PTPRD: variants seen among roughly 807,000 people sequenced by gnomAD.
The protein encoded by PTPRD is protein tyrosine phosphatase receptor type D, also known as receptor-type tyrosine-protein phosphatase delta.
Under a neutral mutation model 214.5 loss-of-function variants are expected in PTPRD, and 34 were observed. The observed-to-expected ratio is 0.16, with a 90% CI of 0.12 to 0.21. PTPRD has a LOEUF of 0.21. PTPRD is among the 10% of genes least tolerant of loss of function. The pLI is 1.00. For missense variants in PTPRD, 2,545 were observed against 2,398.7 expected (o/e 1.06, Z -1.27); for synonymous variants, 1,128 against 845.7 (o/e 1.33, Z -5.79).
At chr9:9,450,142 A>G (rs7025873) in intron 8 of PTPRD, among the ~76,000 whole-genome samples, 16 of 143,116 alleles carry the variant, frequency 1.1e-4, no homozygotes, top group African/African-American at 3.7e-4. Flanking sequence ...GTGTGTGTGT[A>G]TTACAGTTTC....
intron 2 of PTPRD, among the ~76,000 whole-genome samples, chr9:10,388,884 T>C (rs2097988868): frequency 1.3e-5 from 2 of 151,866 alleles, no homozygotes; most frequent in Non-Finnish European, 2.9e-5. Flanking sequence ...ATGTTAGCTC[T>C]AATAATAACC....
intron 5 of PTPRD, among the ~76,000 whole-genome samples, chr9:9,783,520 T>C (rs1249594697): frequency 2.0e-5 from 3 of 152,146 alleles, no homozygotes; most frequent in Non-Finnish European, 2.9e-5. Flanking sequence ...TACTGAGGAA[T>C]AGCCACTGAT....
chr9:9,301,565 T>C (rs928794757), intron 9 of PTPRD, among the ~76,000 whole-genome samples: 4 of 151,896 alleles, frequency 2.6e-5, no homozygotes, highest in Non-Finnish European at 5.9e-5. Flanking sequence ...TTTACATAAT[T>C]TGTCATTTTT....
chr9:10,559,912 G>A (rs1590913544), intron 2 of PTPRD, among the ~76,000 whole-genome samples: 1 of 152,118 alleles, frequency 6.6e-6, no homozygotes, highest in Admixed American at 6.5e-5. Flanking sequence ...GGAAACAACA[G>A]GTGCTGGAGA....
chr9:9,947,524 ATATATATTTTATATATAATATATATAT>A (rs2092875522), intron 4 of PTPRD, among the ~76,000 whole-genome samples: 1 of 36,486 alleles, frequency 2.7e-5, no homozygotes. Flanking sequence ...TATATATATT[ATATATATTTTATATATAATATATATAT>A]TATATATATA....
intron 9 of PTPRD, among the ~76,000 whole-genome samples, chr9:9,393,945 C>G (rs943967317): frequency 6.6e-6 from 1 of 152,104 alleles, no homozygotes; most frequent in Admixed American, 6.6e-5. Flanking sequence ...AACATTGCCA[C>G]CAATACTTTC....
chr9:9,690,788 T>C (rs2097255815), intron 7 of PTPRD, among the ~76,000 whole-genome samples: 1 of 151,938 alleles, frequency 6.6e-6, no homozygotes. Context: ...TGTGTGGACT[T>C]ATTTCTGGTC....
At chr9:10,172,624 C>T (rs1216430907) in intron 3 of PTPRD, among the ~76,000 whole-genome samples, 1 of 152,182 alleles carries the variant, frequency 6.6e-6, no homozygotes, top group Non-Finnish European at 1.5e-5. Context: ...GACTCTTCTT[C>T]AACCTCATTT....
rs1450897188 is a variant in PTPRD at position 9,512,916 on chromosome 9, G to C, written c.-237+61816C>G. On this transcript the variant is annotated intron_variant, in intron 8 of 45. Transcript: ENST00000381196. The stretch of plus-strand genomic sequence containing the variant: ...AATCACGAGTAATCATTACTAATGA[G>C]AAATATAACAGATTTTCATGCATTC... Among the ~76,000 whole-genome samples, 12 of 150,534 alleles carry C rather than the reference G, an allele frequency of 8.0e-5. No individual in the cohort carries two copies. In the Admixed American group the frequency reaches 8.0e-4, roughly 10 times the overall value.
intron 2 of PTPRD, among the ~76,000 whole-genome samples, chr9:10,581,458 T>C (rs1043592940): frequency 7.2e-5 from 11 of 152,210 alleles, no homozygotes; most frequent in African/African-American, 2.4e-4. Flanking sequence ...TTATGATGAA[T>C]GTCATGGTAG....
chr9:9,870,582 C>A (rs1289263825), intron 5 of PTPRD, among the ~76,000 whole-genome samples: 1 of 151,814 alleles, frequency 6.6e-6, no homozygotes, highest in Non-Finnish European at 1.5e-5. Flanking sequence ...ATAGTAATTT[C>A]TATAAGAATT....
chr9:9,204,183 C>G (rs1471534101), intron 9 of PTPRD, among the ~76,000 whole-genome samples: 1 of 152,128 alleles, frequency 6.6e-6, no homozygotes, highest in Non-Finnish European at 1.5e-5. Context: ...CTGATACTCT[C>G]TTTAGCTTTG....
At chr9:9,297,664 G>A (rs978110416) in intron 9 of PTPRD, among the ~76,000 whole-genome samples, 5 of 151,526 alleles carry the variant, frequency 3.3e-5, no homozygotes, top group Admixed American at 6.6e-5. Flanking sequence ...AGAATTCTTC[G>A]TTATCATAAA....
chr9:10,445,210 G>A (rs567249476), intron 2 of PTPRD, among the ~76,000 whole-genome samples: 1 of 152,046 alleles, frequency 6.6e-6, no homozygotes, highest in South Asian at 2.1e-4. Flanking sequence ...AAAGTGGTAT[G>A]AGCTAAGCCC....
At chr9:9,671,749 C>T (rs369446030) in intron 7 of PTPRD, among the ~76,000 whole-genome samples, 5 of 152,150 alleles carry the variant, frequency 3.3e-5, no homozygotes, top group African/African-American at 1.2e-4. Context: ...ACCGCCATGT[C>T]AGAAGTGCCT....
intron 5 of PTPRD, among the ~76,000 whole-genome samples, chr9:9,779,627 G>T: frequency 6.6e-6 from 1 of 152,218 alleles, no homozygotes; most frequent in Middle Eastern, 3.4e-3. Context: ...TTAATCATCA[G>T]AAAAATGCCA....
chr9:9,451,621 A>T (rs747810412), intron 8 of PTPRD, among the ~76,000 whole-genome samples: 30 of 151,798 alleles, frequency 2.0e-4, no homozygotes, highest in Non-Finnish European at 2.2e-4. Flanking sequence ...GAGAAAGTAG[A>T]AATAGAAGAA....
chr9:9,026,998 T>C (rs2099589635), intron 10 of PTPRD, among the ~76,000 whole-genome samples: 1 of 151,564 alleles, frequency 6.6e-6, no homozygotes, highest in African/African-American at 2.4e-5. Context: ...GAGTGCTGAT[T>C]TCTTTCTCCC....
At chr9:8,444,351 G>C (rs1346433923) in intron 34 of PTPRD, among the ~76,000 whole-genome samples, 1 of 152,008 alleles carries the variant, frequency 6.6e-6, no homozygotes, top group Non-Finnish European at 1.5e-5. Flanking sequence ...ACAGCAAATT[G>C]TGTGTGTATA....
Sources: gnomAD v4.1 joint callset for allele counts (sites outside exome capture counted in the v4.1 genomes callset) on GRCh38, gnomAD v4.1.1 for gene constraint, MANE v1.5 for transcripts, NCBI Gene and HGNC (gene_info 2026-07-23, HGNC 2026-07-21) for gene names.